The following CFAP251 variants were observed in gnomAD, a reference collection of about 807,000 sequenced individuals.
CFAP251 encodes cilia and flagella associated protein 251.
In CFAP251, 93 loss-of-function variants were observed where a neutral mutation model predicts 126.7. The observed-to-expected ratio is 0.73, with a 90% CI of 0.62 to 0.87. The LOEUF (loss-of-function observed/expected upper bound fraction) is 0.87, where lower values mean the gene tolerates loss of function less well. Among genes scored for constraint, CFAP251 ranks in the 40% least tolerant of loss-of-function variants. CFAP251 has a pLI of 0.00. For missense variants in CFAP251, 1,287 were observed against 1,389.2 expected (o/e 0.93, Z 1.17); for synonymous variants, 503 against 506.9 (o/e 0.99, Z 0.10).
intron 19 of CFAP251, among the ~76,000 whole-genome samples, chr12:121,977,590 G>A (rs1882492099): frequency 6.6e-6 from 1 of 152,070 alleles, no homozygotes; most frequent in African/African-American, 2.4e-5. Context: ...AACCCAGGAG[G>A]CGGAGGTTGC....
chr12:121,998,363 T>C (rs1883067425), intron 19 of CFAP251: 1 of 147,510 alleles, frequency 6.8e-6, no homozygotes, highest in South Asian at 2.2e-4. Flanking sequence ...ATAATTGATG[T>C]TTATATTATT....
At chr12:121,953,875 G>A (rs146953552) in intron 9 of CFAP251, 159 of 463,236 alleles carry the variant, frequency 3.4e-4, no homozygotes, top group African/African-American at 2.7e-3. Flanking sequence ...CCACTCTCTC[G>A]TTTGCTTTAA....
intron 19 of CFAP251, among the ~76,000 whole-genome samples, chr12:121,985,535 C>CAAA (rs59999924): frequency 1.6e-5 from 1 of 62,502 alleles, no homozygotes; most frequent in African/African-American, 4.2e-5. Flanking sequence ...GACTCCATCT[C>CAAA]AAAAAAAAAA....
intron 19 of CFAP251, among the ~76,000 whole-genome samples, chr12:121,977,677 C>T (rs541970504): frequency 1.0e-4 from 15 of 143,396 alleles, no homozygotes; most frequent in Non-Finnish European, 1.7e-4. Flanking sequence ...AAAAACTGGC[C>T]GGGTGTGGTG....
At chr12:121,970,855 T>C (rs910331497) in intron 17 of CFAP251, among the ~76,000 whole-genome samples, 6 of 152,210 alleles carry the variant, frequency 3.9e-5, no homozygotes, top group Non-Finnish European at 8.8e-5. Context: ...AGATGGCTGC[T>C]GACAGTTCCC....
chr12:121,951,602 C>A, intron 9 of CFAP251, 72 bp downstream of exon 9: 1 of 1,145,328 alleles, frequency 8.7e-7, no homozygotes, highest in Non-Finnish European at 1.3e-6. Flanking sequence ...AGCTTAGCTG[C>A]TTCGGGCTAC....
At chr12:121,976,616 T>G (rs1287169902) in intron 19 of CFAP251, among the ~76,000 whole-genome samples, 2 of 152,194 alleles carry the variant, frequency 1.3e-5, no homozygotes, top group East Asian at 1.9e-4. Flanking sequence ...TTGTTTAAAG[T>G]GCAGGTAAGC....
intron 3 of CFAP251, among the ~76,000 whole-genome samples, chr12:121,924,578 G>A (rs1038324965): frequency 3.3e-5 from 5 of 151,800 alleles, no homozygotes; most frequent in African/African-American, 1.2e-4. Context: ...GATTACAGGC[G>A]CCTGCCACCA....
intron 16 of CFAP251, 72 bp from the exon 17 acceptor site, chr12:121,967,934 A>G: frequency 7.3e-7 from 1 of 1,377,388 alleles, no homozygotes; most frequent in Admixed American, 1.9e-5. Flanking sequence ...TGGAGGTGAC[A>G]TGTGAACGTG....
chr12:122,001,885 G>A, intron 21 of CFAP251: 1 of 430,026 alleles, frequency 2.3e-6, no homozygotes, highest in Non-Finnish European at 4.3e-6. Flanking sequence ...GCCACCCGTA[G>A]AGGATCCAGT....
chr12:121,923,710 T>C lies in CFAP251; in HGVS notation c.467T>C (p.Ile156Thr). Reference protein sequence around the residue: ...DELLRDLSTQIEFLDLDQISP... With the variant: ...DELLRDLSTQTEFLDLDQISP... Reference sequence around the variant, plus strand: ...CTTTTAAGAGACCTGAGCACACAAATTGAATTTCTTGATTTGGATCAAATC... The same window carrying C: ...CTTTTAAGAGACCTGAGCACACAAACTGAATTTCTTGATTTGGATCAAATC... The change falls in exon 3 of 22, where the codon ATT becomes ACT. Residue 156 changes from isoleucine to threonine, a missense_variant. Physicochemically the swap from Ile to Thr is moderately conservative, Grantham distance 89 (BLOSUM62 -1). Coordinates refer to ENST00000288912, the MANE Select transcript of CFAP251 (RefSeq NM_144668.6). 3.1e-6 allele frequency: 5 copies of C among 1,614,120 alleles called. No homozygotes were observed. The highest frequency in any genetic ancestry group is 1.1e-5 in the South Asian group (1 of 91,074).
chr12:121,967,867 G>A (rs1882200333), intron 16 of CFAP251, 139 bp from the exon 17 acceptor site: 1 of 760,952 alleles, frequency 1.3e-6, no homozygotes, highest in African/African-American at 1.7e-5. Context: ...TACATTAAAT[G>A]TGGCTCTCAC....
intron 10 of CFAP251, among the ~76,000 whole-genome samples, chr12:121,954,664 A>AAAAAAAC (rs1881663202): frequency 6.8e-6 from 1 of 147,844 alleles, no homozygotes; most frequent in Non-Finnish European, 1.5e-5. Context: ...AAAAAAAAAA[A>AAAAAAAC]AAAACCTCTT....
At chr12:121,971,533 G>A in intron 17 of CFAP251, 1 of 702,664 alleles carries the variant, frequency 1.4e-6, no homozygotes, top group Non-Finnish European at 2.6e-6. Context: ...TGAGTTCCAT[G>A]TATCATCTGA....
rs778940536 is a variant in CFAP251, at chr12:121,968,143, G to A, written c.2745G>A (p.Ser915=). Residue 915 remains serine, a synonymous_variant, in exon 17 of 22, where the codon TCG becomes TCA. Coordinates refer to ENST00000288912, the MANE Select transcript of CFAP251 (RefSeq NM_144668.6). ...TCACTGCGGGAGGGCACGATCGCTC[G>A]GTGGTGCAGTGGAAAATCACCTTAA... ...YAFTAGGHDR[S]VVQWKITLSV... 29 of 1,608,868 alleles carry A rather than the reference G, an allele frequency of 1.8e-5. No homozygotes were observed. The African/African-American group carries it at 2.9e-4, about 16-fold the overall frequency.
At position 121,969,939 on chromosome 12, in the gene CFAP251, G is replaced by A. The variant is rs947986151; in HGVS notation, c.2771+1770G>A. The A allele has an allele frequency of 4.1e-6, 4 of 985,296 alleles. No individual in the cohort carries two copies. The African/African-American group carries it at 7.0e-5, about 17-fold the overall frequency. The allele number at this position is 985,296 out of a possible 1,614,324, so 61.0% of individuals were successfully genotyped here. Reference sequence around the variant, plus strand: ...CAATTTAATCTGTGGTGGGGACAAAGGATCATTATAAACTAATTATCACTT... The same window carrying A: ...CAATTTAATCTGTGGTGGGGACAAAAGATCATTATAAACTAATTATCACTT... On this transcript the variant is annotated intron_variant, in intron 17 of 21. Transcript: ENST00000288912.
intron 15 of CFAP251, among the ~76,000 whole-genome samples, chr12:121,962,578 A>G (rs997057528): frequency 6.6e-6 from 1 of 152,116 alleles, no homozygotes; most frequent in African/African-American, 2.4e-5. Flanking sequence ...GGTGCTGAAG[A>G]TGATGAAAAC....
At chr12:121,995,621 G>GC (rs1271987758) in intron 19 of CFAP251, among the ~76,000 whole-genome samples, 2 of 152,014 alleles carry the variant, frequency 1.3e-5, no homozygotes, top group Admixed American at 6.6e-5. Context: ...TCCTGCATGA[G>GC]CCCCCCAGTA....
chr12:122,003,861 C>A lies in CFAP251; in HGVS notation c.*97C>A. On this transcript the variant is annotated 3_prime_UTR_variant, in exon 22 of 22. Transcript: ENST00000288912. ...GGCACTGCTTTTTATGCATTTCCCT[C>A]CCCCCTCTCATCTTTAGAACATTTA... 1 of 836,152 alleles carries A rather than the reference C, an allele frequency of 1.2e-6. No individual in the cohort carries two copies. The highest frequency in any genetic ancestry group is 1.8e-6 in the Non-Finnish European group (1 of 560,414). 51.8% of individuals were successfully genotyped at this position (836,152 alleles called of 1,614,324 possible).
Sources: allele counts gnomAD v4.1 joint callset (sites outside exome capture counted in the v4.1 genomes callset), GRCh38; gene constraint gnomAD v4.1.1; transcripts MANE v1.5; gene names NCBI Gene and HGNC (gene_info 2026-07-23, HGNC 2026-07-21).